The following KIZ variants were observed in gnomAD, a reference collection of about 807,000 sequenced individuals.
The protein encoded by KIZ is kizuna centrosomal protein, also known as centrosomal protein kizuna.
A neutral mutation model predicts 79.6 loss-of-function variants in KIZ; 68 were observed. That is an observed-to-expected ratio of 0.85 (90% CI 0.70 to 1.05). The LOEUF (loss-of-function observed/expected upper bound fraction) is 1.05. Ranked by LOEUF, KIZ falls within the 50% of genes least tolerant of loss-of-function variation. The probability of loss-of-function intolerance (pLI) is 0.00; values close to 1 mark genes in which losing one functional copy is unlikely to be tolerated. For missense variants in KIZ, 797 were observed against 800.4 expected (o/e 1.00, Z 0.05); for synonymous variants, 280 against 281.8 (o/e 0.99, Z 0.06).
At chr20:21,219,979 G>T (rs1343318052) in intron 9 of KIZ, among the ~76,000 whole-genome samples, 1 of 152,006 alleles carries the variant, frequency 6.6e-6, no homozygotes, top group Non-Finnish European at 1.5e-5. Context: ...CTGTTGTTGT[G>T]AATATAATCT....
chr20:21,226,803 G>A (rs140292883), intron 9 of KIZ, among the ~76,000 whole-genome samples: 82 of 152,314 alleles, frequency 5.4e-4, no homozygotes, highest in Non-Finnish European at 9.6e-4. Flanking sequence ...CTCAGGTCAG[G>A]GCAGCTGCAT....
At chr20:21,158,191 C>G (rs565271084) in intron 4 of KIZ, among the ~76,000 whole-genome samples, 3 of 151,966 alleles carry the variant, frequency 2.0e-5, no homozygotes, top group Non-Finnish European at 4.4e-5. Context: ...TTTTTTATTA[C>G]AAAAGGAATA....
intron 6 of KIZ, among the ~76,000 whole-genome samples, chr20:21,181,852 G>C (rs550219725): frequency 1.3e-5 from 2 of 152,178 alleles, no homozygotes; most frequent in Non-Finnish European, 2.9e-5. Flanking sequence ...CCAATAACAG[G>C]AACACTGTCT....
At chr20:21,171,174 A>G (rs2034190265) in intron 6 of KIZ, among the ~76,000 whole-genome samples, 1 of 152,228 alleles carries the variant, frequency 6.6e-6, no homozygotes, top group Non-Finnish European at 1.5e-5. Context: ...GCAGTTCTCT[A>G]ATGACATATG....
chr20:21,143,933 C>A (rs1385154309), intron 3 of KIZ, among the ~76,000 whole-genome samples: 2 of 152,150 alleles, frequency 1.3e-5, no homozygotes, highest in Non-Finnish European at 2.9e-5. Context: ...TATAGACTTA[C>A]ATTCTGTATC....
At chr20:21,171,690 C>T (rs2034211663) in intron 6 of KIZ, among the ~76,000 whole-genome samples, 1 of 152,190 alleles carries the variant, frequency 6.6e-6, no homozygotes, top group Non-Finnish European at 1.5e-5. Context: ...GGTGATCCAC[C>T]CACCTTGGCC....
At chr20:21,216,259 C>T (rs2036289013) in intron 9 of KIZ, among the ~76,000 whole-genome samples, 1 of 152,132 alleles carries the variant, frequency 6.6e-6, no homozygotes, top group African/African-American at 2.4e-5. Flanking sequence ...TTCTACTTGT[C>T]ATACATCTGA....
intron 11 of KIZ, among the ~76,000 whole-genome samples, chr20:21,244,020 G>A (rs564055732): frequency 1.3e-4 from 20 of 152,272 alleles, no homozygotes; most frequent in Non-Finnish European, 2.6e-4. Context: ...CAGACCTGCC[G>A]AGGGGACACA....
intron 8 of KIZ, 58 bp downstream of exon 8, chr20:21,214,758 T>C: frequency 9.1e-7 from 1 of 1,094,382 alleles, no homozygotes; most frequent in Non-Finnish European, 1.4e-6. Flanking sequence ...CATCATCATC[T>C]TTCTCAAGGT....
intron 6 of KIZ, among the ~76,000 whole-genome samples, chr20:21,180,254 A>G (rs1185866825): frequency 7.0e-6 from 1 of 142,072 alleles, no homozygotes; most frequent in Admixed American, 7.0e-5. Context: ...TTTTTTTTTT[A>G]ATAAGGAAAT....
chr20:21,160,311 A>G (rs1377354946), intron 4 of KIZ, among the ~76,000 whole-genome samples: 1 of 152,126 alleles, frequency 6.6e-6, no homozygotes, highest in Non-Finnish European at 1.5e-5. Flanking sequence ...GTCACTGGGT[A>G]ACCTCCCAGA....
chr20:21,215,706 G>A (rs773131438), intron 9 of KIZ, 58 bp downstream of exon 9: 62 of 1,183,224 alleles, frequency 5.2e-5, no homozygotes, highest in Non-Finnish European at 6.9e-5. Context: ...TTATATAAGC[G>A]GAACATTTTG....
intron 9 of KIZ, among the ~76,000 whole-genome samples, chr20:21,223,305 C>A (rs2036558913): frequency 6.6e-6 from 1 of 152,158 alleles, no homozygotes; most frequent in Non-Finnish European, 1.5e-5. Context: ...AGTTTCAAGC[C>A]TGGAATTTGT....
intron 6 of KIZ, chr20:21,198,510 T>C (rs2035454759): frequency 6.6e-6 from 1 of 152,448 alleles, no homozygotes; most frequent in Non-Finnish European, 1.5e-5. Flanking sequence ...GCTTTGGGTC[T>C]GCTTAGCCTA....
chr20:21,204,358 G>A (rs898535521), intron 6 of KIZ, among the ~76,000 whole-genome samples: 16 of 151,702 alleles, frequency 1.1e-4, no homozygotes, highest in African/African-American at 3.1e-4. Context: ...CTCGTGATCC[G>A]CCCGCCTCGG....
chr20:21,203,965 C>T (rs2035698665), intron 6 of KIZ, among the ~76,000 whole-genome samples: 1 of 152,070 alleles, frequency 6.6e-6, no homozygotes. Flanking sequence ...TCCCCCCAGG[C>T]CCCAGCACCC....
chr20:21,150,012 G>A (rs1487203365), intron 4 of KIZ, among the ~76,000 whole-genome samples: 5 of 152,198 alleles, frequency 3.3e-5, no homozygotes, highest in African/African-American at 1.2e-4. Flanking sequence ...GATTGAGTGG[G>A]TTATCACTCA....
At chr20:21,166,148 A>ATTTTT in intron 6 of KIZ, 4 of 668,244 alleles carry the variant, frequency 6.0e-6, no homozygotes, top group Non-Finnish European at 9.8e-6. Flanking sequence ...TGTATTTTGT[A>ATTTTT]TTTTTTTTTT....
intron 11 of KIZ, 197 bp downstream of exon 11, chr20:21,233,027 C>T: frequency 1.8e-6 from 1 of 566,098 alleles, no homozygotes; most frequent in Admixed American, 3.0e-5. Context: ...TATTGTTTTG[C>T]AGCTGTTGTT....
Sources: allele counts gnomAD v4.1 joint callset (sites outside exome capture counted in the v4.1 genomes callset), GRCh38; gene constraint gnomAD v4.1.1; transcripts MANE v1.5; gene names NCBI Gene and HGNC (gene_info 2026-07-23, HGNC 2026-07-21).